Variants in GPC5 observed in about 807,000 individuals in gnomAD.
The protein encoded by GPC5 is glypican 5.
A neutral mutation model predicts 53.9 loss-of-function variants in GPC5; 47 were observed. The ratio of observed to expected loss-of-function variants is 0.87; its 90% confidence interval spans 0.69 to 1.11. The LOEUF (loss-of-function observed/expected upper bound fraction) is 1.11. Among genes scored for constraint, GPC5 ranks in the 50% most tolerant of loss-of-function variants. The pLI is 0.00. For synonymous variants in GPC5, 286 were observed against 263.3 expected (o/e 1.09, Z -0.84); for missense variants, 748 against 713.1 (o/e 1.05, Z -0.56).
chr13:91,669,053 C>A (rs2035183716), intron 2 of GPC5, among the ~76,000 whole-genome samples: 1 of 152,120 alleles, frequency 6.6e-6, no homozygotes, highest in Non-Finnish European at 1.5e-5. Flanking sequence ...TGCAATCCTG[C>A]ATAGTAATTA....
chr13:92,236,400 C>T (rs893077616), intron 7 of GPC5, among the ~76,000 whole-genome samples: 7 of 151,898 alleles, frequency 4.6e-5, no homozygotes, highest in African/African-American at 1.4e-4. Context: ...TATATAGTAA[C>T]TTAATTTTTA....
intron 5 of GPC5, among the ~76,000 whole-genome samples, chr13:91,800,898 G>A (rs1258866589): frequency 6.6e-6 from 1 of 151,460 alleles, no homozygotes; most frequent in Admixed American, 6.6e-5. Flanking sequence ...TAAGATAAAT[G>A]GCTGGTGTAT....
chr13:91,514,923 G>A (rs1165803554), intron 2 of GPC5, among the ~76,000 whole-genome samples: 1 of 152,134 alleles, frequency 6.6e-6, no homozygotes, highest in Admixed American at 6.5e-5. Flanking sequence ...TAGAACTAAA[G>A]AATACTTTAT....
At chr13:92,279,859 A>AT (rs1350752074) in intron 7 of GPC5, among the ~76,000 whole-genome samples, 1 of 151,928 alleles carries the variant, frequency 6.6e-6, no homozygotes, top group African/African-American at 2.4e-5. Flanking sequence ...CATAAGAAAT[A>AT]TTTTTCTGTA....
At chr13:91,977,913 A>G (rs2040318974) in intron 6 of GPC5, among the ~76,000 whole-genome samples, 1 of 151,148 alleles carries the variant, frequency 6.6e-6, no homozygotes, top group South Asian at 2.1e-4. Flanking sequence ...GGAGTTCAAG[A>G]CCAGCCTTGG....
At chr13:91,852,834 G>T (rs1001173138) in intron 5 of GPC5, among the ~76,000 whole-genome samples, 1 of 152,128 alleles carries the variant, frequency 6.6e-6, no homozygotes, top group Non-Finnish European at 1.5e-5. Context: ...TTGTTATGTG[G>T]AGCATGCCTA....
At chr13:92,143,940 A>G (rs2041848467) in intron 6 of GPC5, among the ~76,000 whole-genome samples, 1 of 152,028 alleles carries the variant, frequency 6.6e-6, no homozygotes, top group African/African-American at 2.4e-5. Flanking sequence ...GCAGTTGTAC[A>G]TTTTTTTCAT....
At chr13:92,688,338 C>A (rs1887303894) in intron 7 of GPC5, among the ~76,000 whole-genome samples, 1 of 82,208 alleles carries the variant, frequency 1.2e-5, no homozygotes, top group African/African-American at 5.6e-5. Context: ...TCTAGATTTT[C>A]TAGTTTATTT....
chr13:92,493,143 A>G (rs1438668883), intron 7 of GPC5, among the ~76,000 whole-genome samples: 2 of 152,222 alleles, frequency 1.3e-5, no homozygotes, highest in Non-Finnish European at 2.9e-5. Context: ...TATAGAAATT[A>G]TGTTTTAAAA....
At chr13:92,207,045 A>G (rs1372933975) in intron 7 of GPC5, among the ~76,000 whole-genome samples, 1 of 152,152 alleles carries the variant, frequency 6.6e-6, no homozygotes. Flanking sequence ...TTCATTTTTT[A>G]ACCTTCAGCT....
chr13:91,466,173 A>T (rs1484579149), intron 2 of GPC5, among the ~76,000 whole-genome samples: 1 of 152,180 alleles, frequency 6.6e-6, no homozygotes. Context: ...CTACCAAGGG[A>T]AACAGTTCCA....
intron 2 of GPC5, among the ~76,000 whole-genome samples, chr13:91,527,600 G>C (rs1886148107): frequency 6.6e-6 from 1 of 152,346 alleles, no homozygotes; most frequent in Non-Finnish European, 1.5e-5. Context: ...CCCACTTACA[G>C]CTCCACTAAG....
chr13:92,164,957 G>A (rs57786071), intron 7 of GPC5, among the ~76,000 whole-genome samples: 1,829 of 152,332 alleles, frequency 0.012, 54 homozygotes, highest in African/African-American at 0.041. Context: ...TGAGCTGTAC[G>A]TTGGCCCCTT....
At chr13:92,591,671 G>A (rs1172922171) in intron 7 of GPC5, among the ~76,000 whole-genome samples, 1 of 151,998 alleles carries the variant, frequency 6.6e-6, no homozygotes, top group Non-Finnish European at 1.5e-5. Context: ...TCACCATGGT[G>A]TACAAGAGCC....
intron 7 of GPC5, among the ~76,000 whole-genome samples, chr13:92,776,901 G>C (rs1311898117): frequency 6.6e-6 from 1 of 151,762 alleles, no homozygotes; most frequent in Non-Finnish European, 1.5e-5. Flanking sequence ...TGGGAAGCCT[G>C]TAGTCTCAGC....
chr13:92,526,707 G>A (rs1443224656), intron 7 of GPC5, among the ~76,000 whole-genome samples: 1 of 151,814 alleles, frequency 6.6e-6, no homozygotes, highest in Non-Finnish European at 1.5e-5. Flanking sequence ...AGACTTCAGA[G>A]GTTTTAGGAG....
At chr13:91,994,919 C>T (rs183683562) in intron 6 of GPC5, 4 of 152,114 alleles carry the variant, frequency 2.6e-5, no homozygotes, top group African/African-American at 9.6e-5. Flanking sequence ...TACTTGTTTG[C>T]TTGTTTGTTT....
At chr13:91,535,565 A>G (rs969926199) in intron 2 of GPC5, among the ~76,000 whole-genome samples, 15 of 152,164 alleles carry the variant, frequency 9.9e-5, no homozygotes, top group African/African-American at 3.6e-4. Flanking sequence ...CAAAAAACCA[A>G]TTATTCCTGG....
At chr13:91,775,445 T>C (rs567714491) in intron 5 of GPC5, among the ~76,000 whole-genome samples, 1 of 152,182 alleles carries the variant, frequency 6.6e-6, no homozygotes, top group Non-Finnish European at 1.5e-5. Context: ...CCCACGTAGA[T>C]GATTGTTATT....
Sources: gnomAD v4.1 joint callset for allele counts (sites outside exome capture counted in the v4.1 genomes callset) on GRCh38, gnomAD v4.1.1 for gene constraint, MANE v1.5 for transcripts, NCBI Gene and HGNC (gene_info 2026-07-23, HGNC 2026-07-21) for gene names.